BCL2L13: variants seen among roughly 807,000 people sequenced by gnomAD.
BCL2L13 encodes the protein bcl-2-like protein 13.
A neutral mutation model predicts 25.8 loss-of-function variants in BCL2L13; 13 were observed. The ratio of observed to expected loss-of-function variants is 0.50; its 90% confidence interval spans 0.33 to 0.80. BCL2L13 has a LOEUF of 0.80. BCL2L13 is among the 30% of genes least tolerant of loss of function. The pLI is 0.02. For synonymous variants in BCL2L13, 244 were observed against 230.3 expected (o/e 1.06, Z -0.54); for missense variants, 504 against 574.9 (o/e 0.88, Z 1.26).
chr22:17,660,500 A>G (rs2059029223), intron 2 of BCL2L13, among the ~76,000 whole-genome samples: 1 of 146,070 alleles, frequency 6.8e-6, no homozygotes, highest in Non-Finnish European at 1.6e-5. Flanking sequence ...GCTCACTGCA[A>G]CCTTCACCTT....
At chr22:17,681,664 A>G (rs1437999797) in intron 2 of BCL2L13, among the ~76,000 whole-genome samples, 1 of 152,146 alleles carries the variant, frequency 6.6e-6, no homozygotes, top group Non-Finnish European at 1.5e-5. Flanking sequence ...AATCTCAAAA[A>G]GCCCAAGAAC....
chr22:17,648,921 T>G (rs528641069), intron 1 of BCL2L13, among the ~76,000 whole-genome samples: 28 of 152,112 alleles, frequency 1.8e-4, no homozygotes, highest in Admixed American at 9.8e-4. Context: ...TACAACAAAT[T>G]AGAGAATATC....
rs2061308968 is a variant in BCL2L13, at chr22:17,726,699, CAGA to C, written c.624_626del (p.Glu212del). The C allele has an allele frequency of 1.2e-6, 2 of 1,613,730 alleles. No individual in the cohort carries two copies. Among genetic ancestry groups the C allele is most frequent in the Admixed American group, 3.3e-5 (2 of 59,986 alleles). ...TAGGGCACTGTGTTTAGTCTTGAGT[CAGA>C]GGAGGAGGAATACCCTGGAATCACT... On this transcript the variant is annotated inframe_deletion, in exon 7 of 7. Transcript: ENST00000317582.
At chr22:17,631,660 GTGTGTGTGTGTATATATATATA>G (rs1395322267) in intron 1 of BCL2L13, among the ~76,000 whole-genome samples, 11 of 6,388 alleles carry the variant, frequency 1.7e-3, no homozygotes, top group African/African-American at 9.1e-3. Context: ...GTGTATGTAT[GTGTGTGTGTGTATATATATATA>G]TATATATATA....
intron 4 of BCL2L13, among the ~76,000 whole-genome samples, chr22:17,695,435 C>T (rs971479166): frequency 1.3e-5 from 2 of 152,124 alleles, no homozygotes; most frequent in Admixed American, 1.3e-4. Context: ...GATTCCCCTG[C>T]CTTAGCCTCC....
At chr22:17,654,748 G>T (rs2058799252) in intron 1 of BCL2L13, among the ~76,000 whole-genome samples, 1 of 151,764 alleles carries the variant, frequency 6.6e-6, no homozygotes, top group South Asian at 2.1e-4. Flanking sequence ...TTAAGACAGG[G>T]TCTTGCCCTG....
intron 3 of BCL2L13, among the ~76,000 whole-genome samples, chr22:17,687,261 A>C (rs1228009681): frequency 6.6e-6 from 1 of 152,180 alleles, no homozygotes; most frequent in African/African-American, 2.4e-5. Flanking sequence ...CTCTTCCTGC[A>C]GTTAGGGAAT....
At chr22:17,631,746 A>G in intron 1 of BCL2L13, among the ~76,000 whole-genome samples, 1 of 71,308 alleles carries the variant, frequency 1.4e-5, no homozygotes, top group African/African-American at 5.7e-5. Flanking sequence ...TTTGAGATGG[A>G]GTTTCGCTAT....
intron 4 of BCL2L13, among the ~76,000 whole-genome samples, chr22:17,694,859 C>T (rs899532501): frequency 3.9e-5 from 6 of 152,174 alleles, no homozygotes; most frequent in African/African-American, 1.4e-4. Context: ...AACCGTCTTC[C>T]CTGATTCTGT....
chr22:17,635,575 G>T (rs539848569), upstream of BCL2L13, among the ~76,000 whole-genome samples: 21 of 152,244 alleles, frequency 1.4e-4, no homozygotes, highest in Admixed American at 1.1e-3. Flanking sequence ...TGACCTGTAT[G>T]TCTAGTCTCA....
At chr22:17,632,091 C>G (rs1173872641) in intron 1 of BCL2L13, among the ~76,000 whole-genome samples, 1 of 151,996 alleles carries the variant, frequency 6.6e-6, no homozygotes. Flanking sequence ...TACAATGTTC[C>G]TTGTACTGTA....
chr22:17,724,394 G>T (rs1283962266), intron 6 of BCL2L13, among the ~76,000 whole-genome samples: 2 of 152,228 alleles, frequency 1.3e-5, no homozygotes, highest in African/African-American at 4.8e-5. Flanking sequence ...AGTTGGAGCT[G>T]GGATACAAGC....
chr22:17,713,876 C>A (rs2060833711), intron 6 of BCL2L13, among the ~76,000 whole-genome samples: 1 of 151,988 alleles, frequency 6.6e-6, no homozygotes, highest in South Asian at 2.1e-4. Flanking sequence ...CACAGTGGCT[C>A]ATGCTTGTAA....
At chr22:17,666,416 T>TAGTA (rs1471652779) in intron 2 of BCL2L13, among the ~76,000 whole-genome samples, 3 of 152,158 alleles carry the variant, frequency 2.0e-5, no homozygotes, top group African/African-American at 7.2e-5. Context: ...GGCTGTTGAA[T>TAGTA]AGTAGGTCTT....
intron 6 of BCL2L13, chr22:17,706,683 G>A: frequency 6.0e-6 from 8 of 1,342,426 alleles, no homozygotes; most frequent in Non-Finnish European, 7.9e-6. Flanking sequence ...AGCCCGGTGA[G>A]GGCACAGACT....
intron 1 of BCL2L13, among the ~76,000 whole-genome samples, chr22:17,643,393 C>T (rs932414543): frequency 3.3e-5 from 5 of 151,390 alleles, no homozygotes; most frequent in Admixed American, 6.6e-5. Context: ...TGTGAGCCAC[C>T]GCGCCCGGCC....
chr22:17,638,858 A>T lies in BCL2L13; in HGVS notation c.-79A>T. 1 of 1,232,070 alleles carries T rather than the reference A, an allele frequency of 8.1e-7. No individual in the cohort carries two copies. Among genetic ancestry groups the T allele is most frequent in the Non-Finnish European group, 1.0e-6 (1 of 988,412 alleles). 76.3% of individuals were successfully genotyped at this position (1,232,070 alleles called of 1,614,324 possible). Reference sequence around the variant, plus strand: ...AGCAACTGCCGCCGCCGCCTCTTTCATCTCTTCTGGGGCAGGGGCCAGGGC... The same window carrying T: ...AGCAACTGCCGCCGCCGCCTCTTTCTTCTCTTCTGGGGCAGGGGCCAGGGC... On this transcript the variant is annotated 5_prime_UTR_variant, in exon 1 of 7. Transcript: ENST00000317582.
At chr22:17,694,523 T>C (rs777280977) in intron 4 of BCL2L13, among the ~76,000 whole-genome samples, 1 of 152,116 alleles carries the variant, frequency 6.6e-6, no homozygotes, top group Non-Finnish European at 1.5e-5. Flanking sequence ...AAAAATTTTT[T>C]TTTAATTTTT....
chr22:17,685,492 G>A (rs2059899433), intron 3 of BCL2L13, among the ~76,000 whole-genome samples: 1 of 152,102 alleles, frequency 6.6e-6, no homozygotes, highest in African/African-American at 2.4e-5. Context: ...CCAGAGTGCT[G>A]GGATTACAGG....
Sources: gnomAD v4.1 joint callset for allele counts (sites outside exome capture counted in the v4.1 genomes callset) on GRCh38, gnomAD v4.1.1 for gene constraint, MANE v1.5 for transcripts, NCBI Gene and HGNC (gene_info 2026-07-23, HGNC 2026-07-21) for gene names.